C3orf18: variants seen among roughly 807,000 people sequenced by gnomAD.
The protein encoded by C3orf18 is chromosome 3 open reading frame 18.
C3orf18 carries 12 observed loss-of-function variants against 14.1 expected under a neutral mutation model. The ratio of observed to expected loss-of-function variants is 0.85; its 90% CI spans 0.55 to 1.38. The LOEUF (loss-of-function observed/expected upper bound fraction) is 1.38, where lower values mean the gene tolerates loss of function less well. C3orf18 is among the 40% of genes most tolerant of loss of function. The pLI is 0.00. For missense variants in C3orf18, 196 were observed against 213.9 expected, an observed-to-expected ratio of 0.92 and a Z score of 0.52; for synonymous variants, 82 against 87.9, an observed-to-expected ratio of 0.93 and a Z score of 0.38.
At chr3:50,568,754 A>G (rs58935937), upstream of C3orf18, among the ~76,000 whole-genome samples, 2 of 151,906 alleles carry the variant, frequency 1.3e-5, no homozygotes, top group Non-Finnish European at 2.9e-5. Context: ...AAAGAAAAAA[A>G]GAAAAAAAAA....
chr3:50,559,719 C>T lies in C3orf18; in HGVS notation c.427G>A (p.Gly143Ser). ...AGCCGGCTGGGTCTCTGCAGTGGGC[C>T]CTGGGAGGGCAGAGTAGTCTGCAGG... The part of the protein sequence containing the change: ...MQGKTTLPSQ[G>S]PLQRPSRLVF... Residue 143 changes from glycine (G) to serine (S), a missense_variant, in exon 6 of 6, where the codon GGC becomes AGC. By Grantham distance (56) the Gly-to-Ser change is moderately conservative. Coordinates refer to ENST00000357203, the MANE Select transcript of C3orf18 (RefSeq NM_016210.5). The T allele has an allele frequency of 1.3e-6, 2 of 1,592,654 alleles. No individual in the cohort carries two copies. Among genetic ancestry groups the T allele is most frequent in the East Asian group, 2.3e-5 (1 of 43,820 alleles).
At chr3:50,574,671 C>A (rs1325428133), upstream of C3orf18, among the ~76,000 whole-genome samples, 2 of 152,204 alleles carry the variant, frequency 1.3e-5, no homozygotes, top group African/African-American at 4.8e-5. Flanking sequence ...GGCTCTCAGC[C>A]ACAGCCCTAT....
chr3:50,565,772 G>T lies in C3orf18; in HGVS notation c.-73C>A. 8.2e-7 allele frequency: 1 copy of T among 1,222,964 alleles called. No homozygotes were observed. Among genetic ancestry groups the T allele is most frequent in the Non-Finnish European group, 1.1e-6 (1 of 872,594 alleles). The allele number at this position is 1,222,964 out of a possible 1,614,324, so 75.8% of individuals were successfully genotyped here. ...ACCTGCCCACTCACTCCTGACTCCG[G>T]AGTGCCCCAGCCTGTGGTTCCTGCC... On this transcript the variant is annotated 5_prime_UTR_variant, in exon 3 of 6. Transcript: ENST00000357203. The surrounding 1 kb of genome is among the most constrained non-coding windows in gnomAD (Gnocchi z 4.4).
In C3orf18 at chr3:50,558,459, C is replaced by T. The variant is rs969433642; in HGVS notation, c.*1198G>A. On this transcript the variant is annotated 3_prime_UTR_variant, in exon 6 of 6. Coordinates refer to ENST00000357203, the MANE Select transcript of C3orf18 (RefSeq NM_016210.5). Reference sequence around the variant, plus strand: ...CTTATGGAGAGGCCAAGTGCAGGGACCCATCTCCCCACTCTCTAAACACTG... The same window carrying T: ...CTTATGGAGAGGCCAAGTGCAGGGATCCATCTCCCCACTCTCTAAACACTG... The T allele has an allele frequency of 2.9e-6, 1 of 340,922 alleles. No individual in the cohort carries two copies. Among genetic ancestry groups the T allele is most frequent in the East Asian group, 7.9e-5 (1 of 12,632 alleles). The allele number at this position is 340,922 out of a possible 1,614,324, so 21.1% of individuals were successfully genotyped here.
In C3orf18 at chr3:50,561,033, TG is replaced by T; in HGVS notation, c.291del (p.Met98CysfsTer75). 3.1e-6 allele frequency: 5 copies of T among 1,614,152 alleles called. No individual in the cohort carries two copies. The highest frequency in any genetic ancestry group is 4.2e-6 in the Non-Finnish European group (5 of 1,179,996). Reference protein sequence around the residue: ...RLEKLRHQLMPMYNFDPTEEQ... With the variant: ...RLEKLRHQLMXMYNFDPTEEQ... ...TCCTCCGTGGGGTCGAAGTTGTACATGGGCATGAGCTGGTGGCGTAGCTTCT... is the reference window on the plus strand; with the variant it reads ...TCCTCCGTGGGGTCGAAGTTGTACATGGCATGAGCTGGTGGCGTAGCTTCT... On this transcript the variant is annotated frameshift_variant, in exon 5 of 6. Coordinates refer to ENST00000357203, the MANE Select transcript of C3orf18 (RefSeq NM_016210.5). LOFTEE classifies it high-confidence loss of function.
intron 5 of C3orf18, among the ~76,000 whole-genome samples, chr3:50,560,587 G>A (rs761193754): frequency 1.1e-4 from 16 of 152,204 alleles, no homozygotes; most frequent in Admixed American, 5.2e-4. Flanking sequence ...ACCAGTACGT[G>A]GGGGCACATG....
upstream of C3orf18, chr3:50,571,029 G>C: frequency 5.9e-6 from 7 of 1,191,852 alleles, no homozygotes; most frequent in South Asian, 3.0e-5. Context: ...GCCACTCTCA[G>C]CACTCACCTC....
At position 50,565,455 on chromosome 3, in the gene C3orf18, C is replaced by G; in HGVS notation, c.234+11G>C. 1 of 1,599,982 alleles carries G rather than the reference C, an allele frequency of 6.3e-7. No homozygotes were observed. The highest frequency in any genetic ancestry group is 8.6e-7 in the Non-Finnish European group (1 of 1,167,406). On this transcript the variant is annotated intron_variant, in intron 3 of 5. Transcript: ENST00000357203. This position sits in a 1 kb window ranked among gnomAD's most constrained non-coding sequence, Gnocchi z 4.4. ...ACTGATTATCCTCCCCCAGCCTACC[C>G]CAGCTCTCACCAAGGCCACAGCCAG...
At chr3:50,571,377 G>C (rs1244259228), upstream of C3orf18, 2 of 1,416,662 alleles carry the variant, frequency 1.4e-6, no homozygotes, top group African/African-American at 2.9e-5. Context: ...GGAGGAGGGA[G>C]GACTTGGGGA....
upstream of C3orf18, chr3:50,571,840 G>A (rs1302135772): frequency 3.8e-6 from 6 of 1,583,574 alleles, 1 homozygote; most frequent in African/African-American, 5.4e-5. Flanking sequence ...ATGTGTTCAG[G>A]GAGCAGCAGT....
upstream of C3orf18, chr3:50,572,057 C>A: frequency 6.2e-7 from 1 of 1,608,880 alleles, no homozygotes. Context: ...TCAACCCAGG[C>A]ATGGTCCTGT....
chr3:50,563,767 A>C (rs1372007235), intron 3 of C3orf18, among the ~76,000 whole-genome samples: 1 of 152,188 alleles, frequency 6.6e-6, no homozygotes, highest in Non-Finnish European at 1.5e-5. Context: ...CCTACCTCTG[A>C]TTTTGGCAAG....
chr3:50,561,139 CT>C, intron 4 of C3orf18, 75 bp from the exon 5 acceptor site: 2 of 1,490,068 alleles, frequency 1.3e-6, no homozygotes, highest in Non-Finnish European at 1.8e-6. Flanking sequence ...GCCCTGCCTC[CT>C]GACTAGCTGA....
At chr3:50,562,470 A>G (rs1301866148) in intron 3 of C3orf18, 1 of 454,454 alleles carries the variant, frequency 2.2e-6, no homozygotes, top group Admixed American at 2.3e-5. Flanking sequence ...GCAAAAAGTA[A>G]AGGGACCCGG....
At chr3:50,561,659 C>A (rs981911116) in intron 4 of C3orf18, 63 bp downstream of exon 4, 18 of 1,538,972 alleles carry the variant, frequency 1.2e-5, no homozygotes, top group Non-Finnish European at 1.6e-5. Context: ...CCTTCGGAGC[C>A]CAGCCCAGCA....
chr3:50,571,692 T>C (rs636168), upstream of C3orf18: 1,601,072 of 1,613,590 alleles, frequency 0.99, 795,120 homozygotes, highest in East Asian at 1. Context: ...CAGCCACTTA[T>C]ATTCTCTGTG....
chr3:50,561,635 C>T, intron 4 of C3orf18, 87 bp downstream of exon 4: 1 of 1,367,628 alleles, frequency 7.3e-7, no homozygotes, highest in Non-Finnish European at 1.0e-6. Context: ...CCCTGATCAG[C>T]TTTTCACCCA....
intron 5 of C3orf18, 58 bp from the exon 6 acceptor site, chr3:50,559,795 C>T (rs972764875): frequency 8.7e-5 from 101 of 1,158,830 alleles, no homozygotes; most frequent in Non-Finnish European, 1.2e-4. Context: ...CACTCACTGG[C>T]CTGGTCACCT....
chr3:50,558,155 T>C lies in C3orf18; in HGVS notation c.*1502A>G, dbSNP rs1415696515. The C allele has an allele frequency of 3.2e-5, 5 of 154,242 alleles. No individual in the cohort carries two copies. Among genetic ancestry groups the C allele is most frequent in the Non-Finnish European group, 7.2e-5 (5 of 69,232 alleles). The allele number at this position is 154,242 out of a possible 1,614,324, so 9.6% of individuals were successfully genotyped here. A position where few individuals can be genotyped will look rare whatever the true frequency, so the allele number is the denominator to read the frequency against. ...CAAGTGCTAACGTATTTATAGCATT[T>C]AGAGGAGGGAATAAATCCAGAACCT... On this transcript the variant is annotated 3_prime_UTR_variant, in exon 6 of 6. Coordinates refer to ENST00000357203, the MANE Select transcript of C3orf18 (RefSeq NM_016210.5).
Sources: gnomAD v4.1 joint callset for allele counts (sites outside exome capture counted in the v4.1 genomes callset) on GRCh38, gnomAD v4.1.1 for gene constraint, Gnocchi (gnomAD v3.1) non-coding constraint, MANE v1.5 for transcripts, NCBI Gene and HGNC (gene_info 2026-07-23, HGNC 2026-07-21) for gene names.